The following METTL4 variants were observed in gnomAD, a reference collection of about 807,000 sequenced individuals.
METTL4 encodes the protein N(6)-adenine-specific methyltransferase METTL4.
METTL4 carries 40 observed loss-of-function variants against 54.0 expected under a neutral mutation model. That is an observed-to-expected ratio of 0.74 (90% CI 0.58 to 0.96). The LOEUF is 0.96. METTL4 is among the 50% of genes least tolerant of loss of function. The pLI, the probability that METTL4 is intolerant of heterozygous loss-of-function variation, is 0.00. For missense variants in METTL4, 525 were observed against 549.0 expected, an observed-to-expected ratio of 0.96 and a Z score of 0.44; for synonymous variants, 169 against 183.8, an observed-to-expected ratio of 0.92 and a Z score of 0.65.
intron 4 of METTL4, chr18:2,553,610 T>C (rs1006619253): frequency 3.3e-5 from 5 of 152,216 alleles, no homozygotes; most frequent in South Asian, 2.1e-4. Context: ...CCAATTATTA[T>C]GGTGTTTGTC....
chr18:2,560,426 G>A (rs574230285), intron 3 of METTL4, among the ~76,000 whole-genome samples: 1 of 152,184 alleles, frequency 6.6e-6, no homozygotes, highest in Non-Finnish European at 1.5e-5. Context: ...AAAGTAAAAA[G>A]AAGGAAAACT....
chr18:2,551,568 A>G (rs2072160998), intron 5 of METTL4, among the ~76,000 whole-genome samples: 1 of 151,970 alleles, frequency 6.6e-6, no homozygotes. Flanking sequence ...GTAGTGGCAT[A>G]CACCTGTAGT....
rs149113671 is a variant in METTL4 at position 2,565,788 on chromosome 18, G to A, written c.396+1033C>T. Among the ~76,000 whole-genome samples, 166 of 152,112 alleles carry A rather than the reference G, an allele frequency of 1.1e-3. 4 individuals are homozygous for A. The highest frequency in any genetic ancestry group is 3.8e-3 in the African/African-American group (159 of 41,516). ...TCCTATCACTAAAAAAGAAAATGTTGAGGCCGGGTGCAGTGGCTCAAGCCG... is the reference window on the plus strand; with the variant it reads ...TCCTATCACTAAAAAAGAAAATGTTAAGGCCGGGTGCAGTGGCTCAAGCCG... On this transcript the variant is annotated intron_variant, in intron 2 of 8. Transcript: ENST00000574538.
intron 3 of METTL4, among the ~76,000 whole-genome samples, chr18:2,556,045 A>C (rs1171065437): frequency 6.6e-6 from 1 of 152,188 alleles, no homozygotes; most frequent in Non-Finnish European, 1.5e-5. Flanking sequence ...GGTGCCAGAG[A>C]GGAGACAGCA....
chr18:2,552,203 A>C (rs2072172762), intron 5 of METTL4, among the ~76,000 whole-genome samples: 1 of 152,182 alleles, frequency 6.6e-6, no homozygotes, highest in South Asian at 2.1e-4. Context: ...AAATAAAATA[A>C]AATAAAATAA....
At chr18:2,551,419 C>A (rs2072158793) in intron 5 of METTL4, among the ~76,000 whole-genome samples, 1 of 152,052 alleles carries the variant, frequency 6.6e-6, no homozygotes, top group Non-Finnish European at 1.5e-5. Context: ...AGAAACAAAT[C>A]TGGCCAGGCA....
intron 1 of METTL4, among the ~76,000 whole-genome samples, chr18:2,569,501 C>A (rs1335439097): frequency 1.3e-5 from 2 of 152,078 alleles, no homozygotes; most frequent in African/African-American, 2.4e-5. Flanking sequence ...CTCCCACCCC[C>A]ACCCACTGCA....
chr18:2,570,072 A>G (rs2143614485), intron 1 of METTL4, among the ~76,000 whole-genome samples: 1 of 152,344 alleles, frequency 6.6e-6, no homozygotes, highest in Middle Eastern at 3.4e-3. Flanking sequence ...CTGTAAGCAC[A>G]CATGATCCCT....
chr18:2,540,742 T>A (rs2071982528), intron 8 of METTL4: 1 of 985,468 alleles, frequency 1.0e-6, no homozygotes, highest in African/African-American at 1.7e-5. Context: ...TTTCTTCCCA[T>A]GAATTTAACG....
rs531732998 is a variant in METTL4, at chr18:2,564,142, G to A, written c.397-283C>T. On this transcript the variant is annotated intron_variant, in intron 2 of 8. Transcript: ENST00000574538. ...GTTCTGGCCGGGCACGGTGGCTCAC[G>A]CCTGTAATCCCAGCACTTTGGGAGG... is the stretch of plus-strand genomic sequence containing the variant. 7.2e-5 allele frequency among the ~76,000 whole-genome samples: 11 copies of A among 152,016 alleles called. No homozygotes were observed. In the South Asian group the frequency reaches 1.9e-3, roughly 26 times the overall value.
At chr18:2,554,522 T>C (rs1251284721) in intron 4 of METTL4, 147 bp downstream of exon 4, 1 of 703,682 alleles carries the variant, frequency 1.4e-6, no homozygotes, top group African/African-American at 1.8e-5. Flanking sequence ...CACCTTAAAA[T>C]TAAACCTAAG....
In METTL4 at chr18:2,567,405, C is replaced by T. The variant is rs182335409; in HGVS notation, c.-189G>A. 2 of 419,250 alleles carry T rather than the reference C, an allele frequency of 4.8e-6. No homozygotes were observed. Among genetic ancestry groups the T allele is most frequent in the Non-Finnish European group, 8.3e-6 (2 of 240,398 alleles). 26.0% of individuals were successfully genotyped at this position (419,250 alleles called of 1,614,324 possible). A position where few individuals can be genotyped will look rare whatever the true frequency, so the allele number is the denominator to read the frequency against. On this transcript the variant is annotated 5_prime_UTR_variant, in exon 2 of 9. Coordinates refer to ENST00000574538, the MANE Select transcript of METTL4 (RefSeq NM_022840.5). Reference sequence around the variant, plus strand: ...TTATCATTCATGATGTTAATATATACAGAAATTCTAAGGAAAATTGCAATG... The same window carrying T: ...TTATCATTCATGATGTTAATATATATAGAAATTCTAAGGAAAATTGCAATG...
intron 8 of METTL4, among the ~76,000 whole-genome samples, chr18:2,543,315 G>A (rs745609748): frequency 6.6e-6 from 1 of 152,012 alleles, no homozygotes; most frequent in Non-Finnish European, 1.5e-5. Flanking sequence ...GCAGTTTTTT[G>A]TTGGTAGAAA....
At chr18:2,557,325 T>C (rs893710579) in intron 3 of METTL4, among the ~76,000 whole-genome samples, 8 of 151,796 alleles carry the variant, frequency 5.3e-5, no homozygotes, top group Non-Finnish European at 1.0e-4. Flanking sequence ...AAAATAAAAA[T>C]AAAAAAAGTA....
intron 2 of METTL4, among the ~76,000 whole-genome samples, chr18:2,566,020 T>C (rs1110408): frequency 7.7e-4 from 112 of 145,958 alleles, no homozygotes; most frequent in East Asian, 3.2e-3. Flanking sequence ...GCACTCCAGC[T>C]TGGGTGACAG....
chr18:2,569,662 G>A lies in METTL4; in HGVS notation c.-439+1487C>T, dbSNP rs2072472997. ...CCCCACCTCTTCCACTCCCACCCTT[G>A]GCCAAAGCACAGATCATAAGCCCTC... On this transcript the variant is annotated intron_variant, in intron 1 of 8. Coordinates refer to ENST00000574538, the MANE Select transcript of METTL4 (RefSeq NM_022840.5). Among the ~76,000 whole-genome samples the A allele has an allele frequency of 3.9e-5, 6 of 152,212 alleles. No individual in the cohort carries two copies. The South Asian group carries it at 1.0e-3, about 26-fold the overall frequency.
At chr18:2,541,883 T>C (rs2071997383) in intron 8 of METTL4, among the ~76,000 whole-genome samples, 1 of 152,140 alleles carries the variant, frequency 6.6e-6, no homozygotes, top group Non-Finnish European at 1.5e-5. Context: ...CCCAAACCCC[T>C]AGAGTTATGA....
chr18:2,568,023 G>C (rs1376459421), intron 1 of METTL4, among the ~76,000 whole-genome samples: 1 of 152,194 alleles, frequency 6.6e-6, no homozygotes, highest in Non-Finnish European at 1.5e-5. Flanking sequence ...TTTTTCAAAA[G>C]ATGGATTAGA....
chr18:2,553,013 TACAGCTCAGTAAGCTGA>T (rs1163417742), intron 4 of METTL4: 39 of 386,884 alleles, frequency 1.0e-4, no homozygotes, highest in Non-Finnish European at 1.6e-4. Context: ...TGCAGATGAC[TACAGCTCAGTAAGCTGA>T]ACACTAATGA....
Sources: allele counts gnomAD v4.1 joint callset (sites outside exome capture counted in the v4.1 genomes callset), GRCh38; gene constraint gnomAD v4.1.1; transcripts MANE v1.5; gene names NCBI Gene and HGNC (gene_info 2026-07-23, HGNC 2026-07-21).